Variants in TMX3 observed in about 807,000 individuals in gnomAD.
The protein encoded by TMX3 is thioredoxin related transmembrane protein 3.
TMX3 carries 40 observed loss-of-function variants against 64.4 expected under a neutral mutation model. That is an observed-to-expected ratio of 0.62 (90% CI 0.48 to 0.81). The LOEUF (loss-of-function observed/expected upper bound fraction) is 0.81. Among genes scored for constraint, TMX3 ranks in the 30% least tolerant of loss-of-function variants. The pLI is 0.00. For missense variants in TMX3, 497 were observed against 534.5 expected (o/e 0.93, Z 0.69); for synonymous variants, 189 against 175.7 (o/e 1.08, Z -0.60).
intron 3 of TMX3, 122 bp downstream of exon 3, chr18:68,711,237 TAAGAA>T: frequency 1.8e-6 from 1 of 541,266 alleles, no homozygotes; most frequent in Non-Finnish European, 3.2e-6. Context: ...TAGTAATACT[TAAGAA>T]AACAAATTGA....
intron 10 of TMX3, chr18:68,686,741 T>C: frequency 8.1e-6 from 8 of 985,062 alleles, no homozygotes; most frequent in Non-Finnish European, 7.2e-6. Context: ...ACCACAGTCT[T>C]TGACACTGTC....
intron 5 of TMX3, 137 bp from the exon 6 acceptor site, chr18:68,700,622 G>T: frequency 9.7e-7 from 1 of 1,033,246 alleles, no homozygotes; most frequent in Non-Finnish European, 1.3e-6. Flanking sequence ...TAGCTCTCAT[G>T]TAAAATATGG....
intron 4 of TMX3, 70 bp downstream of exon 4, chr18:68,709,951 C>A (rs2031095806): frequency 1.4e-6 from 2 of 1,432,118 alleles, no homozygotes; most frequent in Non-Finnish European, 1.8e-6. Context: ...TTCCTCCCAC[C>A]CTGAATACTG....
intron 8 of TMX3, among the ~76,000 whole-genome samples, chr18:68,693,825 G>A (rs1914783284): frequency 1.3e-5 from 2 of 152,090 alleles, no homozygotes; most frequent in Admixed American, 6.5e-5. Flanking sequence ...TGAAGTCCAC[G>A]GCCTGGAGTA....
chr18:68,710,998 T>G (rs1333097077), intron 3 of TMX3, among the ~76,000 whole-genome samples: 1 of 152,172 alleles, frequency 6.6e-6, no homozygotes, highest in Admixed American at 6.5e-5. Flanking sequence ...TTTGACTAAG[T>G]GATATTAATA....
At chr18:68,683,423 T>C (rs901112633) in intron 12 of TMX3, among the ~76,000 whole-genome samples, 1 of 152,182 alleles carries the variant, frequency 6.6e-6, no homozygotes, top group Non-Finnish European at 1.5e-5. Flanking sequence ...AATATATTTA[T>C]ATTGACTGTC....
At chr18:68,711,288 T>C (rs1465416093) in intron 3 of TMX3, 76 bp downstream of exon 3, 3 of 1,113,888 alleles carry the variant, frequency 2.7e-6, no homozygotes, top group Non-Finnish European at 2.5e-6. Flanking sequence ...ACTGCCATTT[T>C]TGGGTAGAGT....
chr18:68,704,493 G>GA (rs766037702), intron 4 of TMX3, among the ~76,000 whole-genome samples: 1 of 151,904 alleles, frequency 6.6e-6, no homozygotes, highest in Non-Finnish European at 1.5e-5. Flanking sequence ...TTGTAAGGAA[G>GA]AAAAAAAGGT....
In TMX3 at chr18:68,682,966, G is replaced by A; in HGVS notation, c.864C>T (p.Gly288=). 6.2e-7 allele frequency: 1 copy of A among 1,609,176 alleles called. No individual in the cohort carries two copies. Among genetic ancestry groups the A allele is most frequent in the Non-Finnish European group, 8.5e-7 (1 of 1,177,240 alleles). The change falls in exon 13 of 16, where the codon GGC becomes GGT. Residue 288 remains glycine, a synonymous_variant. Transcript: ENST00000299608. ...RDLFHRDFQF[G]HMDGNDYINT... ...TTATGTAGTCATTTCCATCCATGTG[G>A]CCAAACTGAAAATCCCTAACCACCA... is the stretch of plus-strand genomic sequence containing the variant.
rs1036515136 is a variant in TMX3 at position 68,711,462 on chromosome 18, A to C, written c.102-59T>G. The C allele has an allele frequency of 1.1e-5, 13 of 1,203,040 alleles. No homozygotes were observed. The East Asian group carries it at 3.3e-4, about 30-fold the overall frequency. 74.5% of individuals were successfully genotyped at this position (1,203,040 alleles called of 1,614,324 possible). On this transcript the variant is annotated intron_variant, in intron 2 of 15. Transcript: ENST00000299608. ...GTTTGTGTCCACTTTACAACTGTAT[A>C]GTATAGGCAGAGATAATACATTGAT...
rs764639499 is a variant in TMX3 at position 68,715,069 on chromosome 18, C to T, written c.-88G>A. On this transcript the variant is annotated 5_prime_UTR_variant, in exon 1 of 16. Coordinates refer to ENST00000299608, the MANE Select transcript of TMX3 (RefSeq NM_019022.5). ...CCGCCTGCCCGCCCGGAAAGGGAAA[C>T]GGAGCCGACCCGGAGCGGAAGAGAA... 3.2e-6 allele frequency: 5 copies of T among 1,543,548 alleles called. No homozygotes were observed. Among genetic ancestry groups the T allele is most frequent in the Non-Finnish European group, 3.5e-6 (4 of 1,143,150 alleles).
intron 4 of TMX3, among the ~76,000 whole-genome samples, chr18:68,703,972 C>T (rs1322883077): frequency 6.6e-6 from 1 of 151,926 alleles, no homozygotes; most frequent in Non-Finnish European, 1.5e-5. Flanking sequence ...AAAAAGCAAA[C>T]AAAGCGGGAG....
chr18:68,687,813 A>G (rs368064390), intron 9 of TMX3, 48 bp from the exon 10 acceptor site: 1 of 1,430,820 alleles, frequency 7.0e-7, no homozygotes, highest in Non-Finnish European at 9.7e-7. Flanking sequence ...ATATGAATTT[A>G]AGAGTTATAA....
chr18:68,680,846 G>T, intron 14 of TMX3, 135 bp downstream of exon 14: 1 of 708,220 alleles, frequency 1.4e-6, no homozygotes, highest in Non-Finnish European at 2.1e-6. Flanking sequence ...TTGGACAGAA[G>T]CAATGTATGG....
chr18:68,683,509 ATTCTT>A (rs1191602941), intron 12 of TMX3, among the ~76,000 whole-genome samples: 1 of 152,094 alleles, frequency 6.6e-6, no homozygotes, highest in Non-Finnish European at 1.5e-5. Context: ...TTATTCAGTT[ATTCTT>A]TTGAGTTTCT....
intron 8 of TMX3, among the ~76,000 whole-genome samples, chr18:68,691,785 C>T (rs980027434): frequency 4.6e-5 from 7 of 152,144 alleles, no homozygotes; most frequent in Non-Finnish European, 1.5e-5. Flanking sequence ...GATACCATAA[C>T]TGAGAGCACT....
chr18:68,714,817 T>A (rs2031772626), intron 1 of TMX3, 119 bp downstream of exon 1: 3 of 1,336,348 alleles, frequency 2.2e-6, no homozygotes, highest in African/African-American at 1.5e-5. Context: ...CTGCCGGGAA[T>A]GGGTGGGCAT....
At chr18:68,704,771 T>C (rs1026627531) in intron 4 of TMX3, among the ~76,000 whole-genome samples, 2 of 152,212 alleles carry the variant, frequency 1.3e-5, no homozygotes, top group Non-Finnish European at 2.9e-5. Context: ...TGAAGTCTTC[T>C]ACTTCATTTC....
chr18:68,697,856 T>C, intron 7 of TMX3, 76 bp downstream of exon 7: 2 of 902,112 alleles, frequency 2.2e-6, no homozygotes, highest in Non-Finnish European at 1.7e-6. Flanking sequence ...AAGTTCTGCG[T>C]TTCTAGTGAA....
Sources: gnomAD v4.1 joint callset for allele counts (sites outside exome capture counted in the v4.1 genomes callset) on GRCh38, gnomAD v4.1.1 for gene constraint, MANE v1.5 for transcripts, NCBI Gene and HGNC (gene_info 2026-07-23, HGNC 2026-07-21) for gene names.